Variants in PCP4 observed in about 807,000 individuals in gnomAD.
PCP4 encodes Purkinje cell protein 4.
A neutral mutation model predicts 10.0 loss-of-function variants in PCP4; 8 were observed. That is an observed-to-expected ratio of 0.80 (90% CI 0.47 to 1.45). The LOEUF (loss-of-function observed/expected upper bound fraction) is 1.45, where lower values mean the gene tolerates loss of function less well. PCP4 is among the 40% of genes most tolerant of loss of function. The pLI, the probability that PCP4 is intolerant of heterozygous loss-of-function variation, is 0.00. For missense variants in PCP4, 54 were observed against 74.4 expected (o/e 0.73, Z 1.01); for synonymous variants, 21 against 23.0 (o/e 0.91, Z 0.24).
intron 1 of PCP4, among the ~76,000 whole-genome samples, chr21:39,880,494 TGTGTATAC>T (rs1189049681): frequency 6.6e-6 from 1 of 152,186 alleles, no homozygotes; most frequent in Non-Finnish European, 1.5e-5. Context: ...TGTGAGTGTG[TGTGTATAC>T]GTGTATATGT....
chr21:39,872,439 A>G (rs936334374), intron 1 of PCP4, among the ~76,000 whole-genome samples: 2 of 152,236 alleles, frequency 1.3e-5, no homozygotes, highest in African/African-American at 4.8e-5. Context: ...CACAGATAAT[A>G]TCAGGACCTA....
chr21:39,918,342 A>G (rs185536576), intron 2 of PCP4, among the ~76,000 whole-genome samples: 1 of 152,306 alleles, frequency 6.6e-6, no homozygotes, highest in East Asian at 1.9e-4. Context: ...GGCATTTTAT[A>G]TAAGCCAGGG....
intron 2 of PCP4, among the ~76,000 whole-genome samples, chr21:39,912,944 G>T: frequency 6.6e-6 from 1 of 152,168 alleles, no homozygotes; most frequent in African/African-American, 2.4e-5. Context: ...GGCCTCAAGG[G>T]ATCCTCTCGC....
chr21:39,901,018 A>C (rs1449628138), intron 2 of PCP4, among the ~76,000 whole-genome samples: 1 of 152,254 alleles, frequency 6.6e-6, no homozygotes, highest in Non-Finnish European at 1.5e-5. Context: ...CAAAATGGAA[A>C]AGGATATTTA....
chr21:39,873,232 G>C (rs766876597), intron 1 of PCP4, among the ~76,000 whole-genome samples: 15 of 152,126 alleles, frequency 9.9e-5, no homozygotes, highest in Non-Finnish European at 2.1e-4. Flanking sequence ...GAATAAGAGA[G>C]AGTCTAAGCA....
rs539441598 is a variant in PCP4 at position 39,891,744 on chromosome 21, G to A, written c.10-6732G>A. On this transcript the variant is annotated intron_variant, in intron 1 of 2. Transcript: ENST00000328619. ...GGTGAAGCAAGTCACGTGATTACAG[G>A]ATAGGGGGCCCTTCCCTTTTAGGTA... Among the ~76,000 whole-genome samples the A allele has an allele frequency of 2.0e-5, 3 of 152,352 alleles. No homozygotes were observed. The South Asian group carries it at 6.2e-4, about 32-fold the overall frequency.
At chr21:39,900,117 G>A (rs138766000) in intron 2 of PCP4, among the ~76,000 whole-genome samples, 2,093 of 152,104 alleles carry the variant, frequency 0.014, 55 homozygotes, top group African/African-American at 0.048. Context: ...TCACTGCAAC[G>A]TCTGCCTCCA....
At chr21:39,911,568 TTTATAACCTTTTCAC>T (rs1568859740) in intron 2 of PCP4, among the ~76,000 whole-genome samples, 1 of 152,216 alleles carries the variant, frequency 6.6e-6, no homozygotes, top group African/African-American at 2.4e-5. Context: ...CTTTAGAAAC[TTTATAACCTTTTCAC>T]CTGTGGGCCT....
intron 2 of PCP4, among the ~76,000 whole-genome samples, chr21:39,911,971 G>A (rs2087542107): frequency 6.6e-6 from 1 of 152,146 alleles, no homozygotes; most frequent in South Asian, 2.1e-4. Flanking sequence ...GGTCACCCCG[G>A]CCATTCACAG....
chr21:39,875,837 T>C (rs1394410223), intron 1 of PCP4, among the ~76,000 whole-genome samples: 1 of 152,114 alleles, frequency 6.6e-6, no homozygotes, highest in Admixed American at 6.6e-5. Flanking sequence ...AATATGCCAA[T>C]ATAGTAAGAG....
intron 1 of PCP4, among the ~76,000 whole-genome samples, chr21:39,877,107 A>G (rs2087350200): frequency 1.3e-5 from 2 of 152,204 alleles, no homozygotes; most frequent in African/African-American, 4.8e-5. Flanking sequence ...CCATGCTATT[A>G]CATTTCTCAT....
chr21:39,911,070 C>A (rs2837288), intron 2 of PCP4, among the ~76,000 whole-genome samples: 3 of 151,730 alleles, frequency 2.0e-5, no homozygotes, highest in Non-Finnish European at 4.4e-5. Context: ...ACATTTGACT[C>A]CTTTTGATTT....
chr21:39,867,581 A>G, intron 1 of PCP4, 71 bp downstream of exon 1: 2 of 1,390,572 alleles, frequency 1.4e-6, no homozygotes, highest in South Asian at 1.2e-5. Flanking sequence ...GATTAGTCTC[A>G]GGAAATGTGA....
intron 1 of PCP4, among the ~76,000 whole-genome samples, chr21:39,875,433 T>A (rs1259148441): frequency 6.6e-6 from 1 of 152,186 alleles, no homozygotes; most frequent in Non-Finnish European, 1.5e-5. Context: ...AGACGGGCGA[T>A]GGTGTGGAGC....
chr21:39,899,829 G>A (rs1168189849), intron 2 of PCP4, among the ~76,000 whole-genome samples: 1 of 152,120 alleles, frequency 6.6e-6, no homozygotes, highest in East Asian at 1.9e-4. Flanking sequence ...GGGCTTAAAA[G>A]GGAGGAGCAA....
chr21:39,881,582 CTGAG>C (rs950711006), intron 1 of PCP4, among the ~76,000 whole-genome samples: 4 of 152,164 alleles, frequency 2.6e-5, no homozygotes, highest in African/African-American at 9.7e-5. Flanking sequence ...ACACGGGACT[CTGAG>C]TGATGCATTA....
intron 2 of PCP4, chr21:39,926,247 T>C: frequency 3.3e-6 from 1 of 299,840 alleles, no homozygotes; most frequent in Non-Finnish European, 6.8e-6. Context: ...AATCAATCAG[T>C]CACTTTTGGC....
chr21:39,895,271 T>G lies in PCP4; in HGVS notation c.10-3205T>G, dbSNP rs184023161. Among the ~76,000 whole-genome samples the G allele has an allele frequency of 1.5e-3, 232 of 152,370 alleles. 2 individuals are homozygous for G. Among genetic ancestry groups the G allele is most frequent in the South Asian group, 1.2e-3 (6 of 4,828 alleles). On this transcript the variant is annotated intron_variant, in intron 1 of 2. Coordinates refer to ENST00000328619, the MANE Select transcript of PCP4 (RefSeq NM_006198.3). ...CACATCCATCTGCTATTTATTTTAG[T>G]AGAGCCTAGCTCTGGGTGCTTATGT...
At chr21:39,887,727 T>A (rs1203849558) in intron 1 of PCP4, among the ~76,000 whole-genome samples, 2 of 152,228 alleles carry the variant, frequency 1.3e-5, no homozygotes, top group Non-Finnish European at 2.9e-5. Flanking sequence ...GCTTCTCTGT[T>A]CATTCAAAGA....
Sources: allele counts gnomAD v4.1 joint callset (sites outside exome capture counted in the v4.1 genomes callset), GRCh38; gene constraint gnomAD v4.1.1; transcripts MANE v1.5; gene names NCBI Gene and HGNC (gene_info 2026-07-23, HGNC 2026-07-21).